Variants in RASSF8 observed in about 807,000 individuals in gnomAD.
RASSF8 encodes the protein Ras association domain family member 8.
In RASSF8, 22 loss-of-function variants were observed where a neutral mutation model predicts 48.5. The ratio of observed to expected loss-of-function variants is 0.45; its 90% CI spans 0.32 to 0.65. RASSF8 has a LOEUF of 0.65. Ranked by LOEUF, RASSF8 falls within the 30% of genes least tolerant of loss-of-function variation. The pLI is 0.03. For synonymous variants in RASSF8, 127 were observed against 171.5 expected, an observed-to-expected ratio of 0.74 and a Z score of 2.03; for missense variants, 418 against 489.2, an observed-to-expected ratio of 0.85 and a Z score of 1.37.
intron 2 of RASSF8, among the ~76,000 whole-genome samples, chr12:26,008,978 C>T (rs1942459048): frequency 6.6e-6 from 1 of 152,130 alleles, no homozygotes; most frequent in Admixed American, 6.5e-5. Context: ...TGAATTACAA[C>T]CCAGATCTTT....
intron 2 of RASSF8, among the ~76,000 whole-genome samples, chr12:26,038,141 A>G (rs772929031): frequency 6.6e-6 from 1 of 152,138 alleles, no homozygotes; most frequent in Non-Finnish European, 1.5e-5. Context: ...GGATGAACTA[A>G]TGGCACTGTG....
intron 2 of RASSF8, among the ~76,000 whole-genome samples, chr12:26,022,635 G>A (rs1014384234): frequency 1.3e-5 from 2 of 151,878 alleles, no homozygotes; most frequent in African/African-American, 4.8e-5. Context: ...TTGGTAAATA[G>A]ATAGAAATTA....
chr12:26,016,955 G>T (rs1255068606), intron 2 of RASSF8, among the ~76,000 whole-genome samples: 3 of 152,114 alleles, frequency 2.0e-5, no homozygotes, highest in Admixed American at 2.0e-4. Flanking sequence ...GTACAAACTA[G>T]ACAAGTATTT....
At position 26,072,576 on chromosome 12, in the gene RASSF8, GTGA is replaced by G. The variant is rs1185731632; in HGVS notation, c.*3760_*3762del. The G allele has an allele frequency of 3.0e-6, 3 of 985,176 alleles. No homozygotes were observed. The East Asian group carries it at 3.4e-4, about 112-fold the overall frequency. 61.0% of individuals were successfully genotyped at this position (985,176 alleles called of 1,614,324 possible). A position where few individuals can be genotyped will look rare whatever the true frequency, so the allele number is the denominator to read the frequency against. ...AAAAATAGATTTACAGCCAGACATG[GTGA>G]TAGCCCTAAATGTATTTCTCAATAT... is the stretch of plus-strand genomic sequence containing the variant. On this transcript the variant is annotated 3_prime_UTR_variant, in exon 6 of 6. Transcript: ENST00000689635.
exon 6 of RASSF8, chr12:26,079,350 C>T (rs1321460546): frequency 2.2e-5 from 5 of 227,648 alleles, no homozygotes; most frequent in East Asian, 9.4e-5. Flanking sequence ...TTTGGGAGGC[C>T]GAGGTGGGAG....
intron 2 of RASSF8, among the ~76,000 whole-genome samples, chr12:26,020,660 A>G (rs1316453317): frequency 6.6e-6 from 1 of 152,214 alleles, no homozygotes; most frequent in Non-Finnish European, 1.5e-5. Flanking sequence ...TTATATTTAA[A>G]CAATATTTAA....
intron 1 of RASSF8, among the ~76,000 whole-genome samples, chr12:25,968,968 G>A (rs1049284643): frequency 6.6e-6 from 1 of 152,178 alleles, no homozygotes; most frequent in Non-Finnish European, 1.5e-5. Flanking sequence ...CAGCTCTCTG[G>A]CTGCCTACAG....
intron 2 of RASSF8, among the ~76,000 whole-genome samples, chr12:26,008,002 G>A (rs974392319): frequency 6.6e-5 from 10 of 152,110 alleles, no homozygotes; most frequent in African/African-American, 2.2e-4. Flanking sequence ...CATCAGGTGC[G>A]GTGGCTCACG....
intron 2 of RASSF8, among the ~76,000 whole-genome samples, chr12:26,022,926 T>C (rs1377021635): frequency 2.6e-5 from 4 of 152,148 alleles, no homozygotes; most frequent in African/African-American, 2.4e-5. Flanking sequence ...TTTGTATTTT[T>C]AGTAGAGACG....
At chr12:26,008,537 T>A (rs1365054426) in intron 2 of RASSF8, among the ~76,000 whole-genome samples, 1 of 152,224 alleles carries the variant, frequency 6.6e-6, no homozygotes, top group Non-Finnish European at 1.5e-5. Context: ...GATATTGTCA[T>A]TTGTATTCCA....
At chr12:26,075,555 A>T (rs558124771), downstream of RASSF8, among the ~76,000 whole-genome samples, 3 of 151,848 alleles carry the variant, frequency 2.0e-5, no homozygotes, top group South Asian at 4.2e-4. Context: ...TATATCCACC[A>T]CTCTCTTTTA....
intron 2 of RASSF8, among the ~76,000 whole-genome samples, chr12:26,051,655 T>C (rs1214677385): frequency 1.3e-5 from 2 of 152,230 alleles, no homozygotes; most frequent in East Asian, 3.8e-4. Flanking sequence ...TACTGTTTTA[T>C]GCACTGCTGA....
At chr12:26,056,305 T>C (rs1943601188) in intron 3 of RASSF8, among the ~76,000 whole-genome samples, 1 of 152,260 alleles carries the variant, frequency 6.6e-6, no homozygotes, top group African/African-American at 2.4e-5. Flanking sequence ...ATCTTCATCA[T>C]AGTTTATGTA....
intron 1 of RASSF8, among the ~76,000 whole-genome samples, chr12:25,985,149 C>T (rs1165302316): frequency 6.6e-6 from 1 of 152,170 alleles, no homozygotes; most frequent in African/African-American, 2.4e-5. Flanking sequence ...GGTTATTGCA[C>T]TTTTTGCCGC....
chr12:26,052,644 G>A (rs1219559121), intron 2 of RASSF8: 2 of 152,150 alleles, frequency 1.3e-5, no homozygotes, highest in Non-Finnish European at 2.9e-5. Context: ...TCTGGGGCTG[G>A]GCATAGAACT....
rs1322898712 is a variant in RASSF8, at chr12:26,071,789, T to C, written c.*2971T>C. 1 of 977,166 alleles carries C rather than the reference T, an allele frequency of 1.0e-6. No homozygotes were observed. Among genetic ancestry groups the C allele is most frequent in the Non-Finnish European group, 1.2e-6 (1 of 825,794 alleles). 60.5% of individuals were successfully genotyped at this position (977,166 alleles called of 1,614,324 possible). On this transcript the variant is annotated 3_prime_UTR_variant, in exon 6 of 6. Coordinates refer to ENST00000689635, the MANE Select transcript of RASSF8 (RefSeq NM_001394098.1). ...TAAACAAGAGCTACAGCAAGACTGA[T>C]AGAGTAAAAACTATATAAATACAGT... is the stretch of plus-strand genomic sequence containing the variant.
intron 1 of RASSF8, among the ~76,000 whole-genome samples, chr12:25,982,270 A>G (rs1941762807): frequency 6.6e-6 from 1 of 152,246 alleles, no homozygotes; most frequent in Admixed American, 6.5e-5. Context: ...TAAAATATAG[A>G]CTAAGTTGAA....
At chr12:25,966,937 A>G (rs829838) in intron 1 of RASSF8, among the ~76,000 whole-genome samples, 150,567 of 152,368 alleles carry the variant, frequency 0.99, 74,415 homozygotes, top group East Asian at 1. Context: ...TGCATTTTGT[A>G]TTTCTTACAT....
Position 26,070,652 on chromosome 12 carries a change from T to C in RASSF8, c.*1834T>C, listed in dbSNP as rs975151101. Reference sequence around the variant, plus strand: ...AAATAATTTATAGATTTTGTGACAGTAATGATTTACATATGCCCAATATAT... The same window carrying C: ...AAATAATTTATAGATTTTGTGACAGCAATGATTTACATATGCCCAATATAT... On this transcript the variant is annotated 3_prime_UTR_variant, in exon 6 of 6. Coordinates refer to ENST00000689635, the MANE Select transcript of RASSF8 (RefSeq NM_001394098.1). 2.6e-5 allele frequency: 25 copies of C among 948,074 alleles called. No individual in the cohort carries two copies. In the Admixed American group the frequency reaches 4.9e-4, roughly 19 times the overall value. 58.7% of individuals were successfully genotyped at this position (948,074 alleles called of 1,614,324 possible). A position where few individuals can be genotyped will look rare whatever the true frequency, so the allele number is the denominator to read the frequency against.
Sources: allele counts gnomAD v4.1 joint callset (sites outside exome capture counted in the v4.1 genomes callset), GRCh38; gene constraint gnomAD v4.1.1; transcripts MANE v1.5; gene names NCBI Gene and HGNC (gene_info 2026-07-23, HGNC 2026-07-21).